ADAM22: variants seen among roughly 807,000 people sequenced by gnomAD.
ADAM22 encodes the protein disintegrin and metalloproteinase domain-containing protein 22.
Under a neutral mutation model 144.6 loss-of-function variants are expected in ADAM22, and 65 were observed. That is an observed-to-expected ratio of 0.45 (90% CI 0.37 to 0.55). The LOEUF is 0.55. ADAM22 is among the 20% of genes least tolerant of loss of function. The probability of loss-of-function intolerance (pLI) is 0.00; values close to 1 mark genes in which losing one functional copy is unlikely to be tolerated. For synonymous variants in ADAM22, 391 were observed against 412.6 expected (o/e 0.95, Z 0.63); for missense variants, 974 against 1,184.9 (o/e 0.82, Z 2.61).
intron 2 of ADAM22, among the ~76,000 whole-genome samples, chr7:87,948,481 G>C (rs1308019867): frequency 6.6e-6 from 1 of 151,870 alleles, no homozygotes; most frequent in Non-Finnish European, 1.5e-5. Context: ...TTTATTGCTG[G>C]AATAATCTCC....
chr7:88,122,903 A>G (rs966323447), intron 7 of ADAM22, among the ~76,000 whole-genome samples: 1 of 152,094 alleles, frequency 6.6e-6, no homozygotes, highest in Non-Finnish European at 1.5e-5. Context: ...TTCCTTTTCC[A>G]TGAAAGGTAG....
At chr7:88,183,920 T>A (rs1847712972) in intron 29 of ADAM22, among the ~76,000 whole-genome samples, 1 of 151,954 alleles carries the variant, frequency 6.6e-6, no homozygotes, top group African/African-American at 2.4e-5. Context: ...AGAATTATGT[T>A]TGCAAACTTT....
chr7:88,039,466 T>A (rs190689424), intron 3 of ADAM22, among the ~76,000 whole-genome samples: 3,708 of 73,580 alleles, frequency 0.05, 245 homozygotes, highest in Non-Finnish European at 0.06. Context: ...AAAAAAAAAA[T>A]ATATATATAT....
At chr7:88,034,218 C>T (rs890745592) in intron 3 of ADAM22, among the ~76,000 whole-genome samples, 1 of 152,138 alleles carries the variant, frequency 6.6e-6, no homozygotes, top group Admixed American at 6.5e-5. Context: ...CTACTGCTGC[C>T]GATTATTCAG....
rs188276971 is a variant in ADAM22 at position 88,079,253 on chromosome 7, A to G, written c.390+3561A>G. Among the ~76,000 whole-genome samples, 598 of 152,306 alleles carry G rather than the reference A, an allele frequency of 3.9e-3. 19 individuals are homozygous for G. The highest frequency in any genetic ancestry group is 0.035 in the Admixed American group (543 of 15,298). ...TTCATAACCAGCCAAACTAAGCTTC[A>G]TAAGTGAGGGAGAAATAAAATACTT... On this transcript the variant is annotated intron_variant, in intron 4 of 31. Coordinates refer to ENST00000413139, the MANE Select transcript of ADAM22 (RefSeq NM_001324418.2).
At chr7:88,017,073 C>T (rs961558535) in intron 3 of ADAM22, among the ~76,000 whole-genome samples, 9 of 152,036 alleles carry the variant, frequency 5.9e-5, no homozygotes, top group Non-Finnish European at 1.0e-4. Flanking sequence ...GAGCTATGAG[C>T]GCACCACTGT....
intron 2 of ADAM22, among the ~76,000 whole-genome samples, chr7:87,955,003 T>C (rs868537444): frequency 6.6e-6 from 1 of 152,222 alleles, no homozygotes; most frequent in Non-Finnish European, 1.5e-5. Flanking sequence ...TTTAAGCACT[T>C]CTCTGTATTG....
At chr7:88,130,046 G>A (rs1427182330) in intron 9 of ADAM22, among the ~76,000 whole-genome samples, 3 of 151,980 alleles carry the variant, frequency 2.0e-5, no homozygotes, top group Admixed American at 1.3e-4. Context: ...TGTATGTCTT[G>A]CAATTCATAG....
intron 2 of ADAM22, among the ~76,000 whole-genome samples, chr7:87,961,305 G>A (rs1382415373): frequency 1.3e-5 from 2 of 152,132 alleles, no homozygotes; most frequent in Admixed American, 1.3e-4. Context: ...CTCCAAAGAA[G>A]ATTGGTGATG....
intron 3 of ADAM22, among the ~76,000 whole-genome samples, chr7:87,990,644 G>A (rs549016835): frequency 6.6e-6 from 1 of 151,948 alleles, no homozygotes; most frequent in Admixed American, 6.6e-5. Flanking sequence ...CTAAACAAAA[G>A]GTACATTTAT....
chr7:88,123,844 A>G (rs986823601), intron 7 of ADAM22, among the ~76,000 whole-genome samples: 7 of 152,028 alleles, frequency 4.6e-5, no homozygotes, highest in Admixed American at 6.6e-5. Context: ...CTAAATTACC[A>G]TGTGATTTCT....
intron 3 of ADAM22, among the ~76,000 whole-genome samples, chr7:87,989,266 A>G (rs1789184558): frequency 6.6e-6 from 1 of 152,252 alleles, no homozygotes; most frequent in South Asian, 2.1e-4. Context: ...TACATAGAAT[A>G]GAAACAGATG....
chr7:88,130,931 T>C (rs779051580), intron 10 of ADAM22, among the ~76,000 whole-genome samples: 44 of 152,170 alleles, frequency 2.9e-4, no homozygotes, highest in Admixed American at 3.9e-4. Context: ...ATTATTTCTT[T>C]GGAGAGTCTT....
intron 15 of ADAM22, among the ~76,000 whole-genome samples, chr7:88,144,507 T>C (rs1835756062): frequency 6.6e-6 from 1 of 152,164 alleles, no homozygotes; most frequent in African/African-American, 2.4e-5. Context: ...TTTTATTAAG[T>C]CGATCAATGG....
At chr7:88,152,619 G>A (rs922168394) in intron 20 of ADAM22, among the ~76,000 whole-genome samples, 1 of 152,112 alleles carries the variant, frequency 6.6e-6, no homozygotes, top group Non-Finnish European at 1.5e-5. Flanking sequence ...AAAGAATAGA[G>A]TATATATTCA....
Position 88,112,157 on chromosome 7 carries a change from G to A in ADAM22, c.474-2427G>A, listed in dbSNP as rs528219545. 3.9e-5 allele frequency among the ~76,000 whole-genome samples: 6 copies of A among 152,270 alleles called. No individual in the cohort carries two copies. The South Asian group carries it at 1.2e-3, about 32-fold the overall frequency. On this transcript the variant is annotated intron_variant, in intron 5 of 31. Coordinates refer to ENST00000413139, the MANE Select transcript of ADAM22 (RefSeq NM_001324418.2). ...AAAGGCTCCCCCTCTGACTCCTTGGGCACATATTGTCAGTAATGTCTTACA... is the reference window on the plus strand; with the variant it reads ...AAAGGCTCCCCCTCTGACTCCTTGGACACATATTGTCAGTAATGTCTTACA...
At chr7:88,162,349 A>G (rs1273406686) in intron 22 of ADAM22, among the ~76,000 whole-genome samples, 1 of 152,042 alleles carries the variant, frequency 6.6e-6, no homozygotes, top group Non-Finnish European at 1.5e-5. Flanking sequence ...TGTGATGAGG[A>G]GGAGGGAGTG....
chr7:88,057,505 C>T (rs1274849467), intron 3 of ADAM22, among the ~76,000 whole-genome samples: 3 of 152,160 alleles, frequency 2.0e-5, no homozygotes, highest in Non-Finnish European at 4.4e-5. Context: ...ATGGCAGCAT[C>T]ATTGACATAA....
intron 2 of ADAM22, among the ~76,000 whole-genome samples, chr7:87,960,375 GGT>G (rs71120011): frequency 6.7e-5 from 10 of 149,328 alleles, no homozygotes; most frequent in Non-Finnish European, 1.2e-4. Flanking sequence ...GTGGTAGTGG[GGT>G]GTGTGTGTGT....
Sources: allele counts gnomAD v4.1 joint callset (sites outside exome capture counted in the v4.1 genomes callset), GRCh38; gene constraint gnomAD v4.1.1; transcripts MANE v1.5; gene names NCBI Gene and HGNC (gene_info 2026-07-23, HGNC 2026-07-21).